Variants in FTO observed in about 807,000 individuals in gnomAD.
FTO encodes the protein alpha-ketoglutarate-dependent dioxygenase FTO.
FTO carries 47 observed loss-of-function variants against 63.9 expected under a neutral mutation model. That is an observed-to-expected ratio of 0.74 (90% CI 0.58 to 0.94). The LOEUF (loss-of-function observed/expected upper bound fraction) is 0.94. Ranked by LOEUF, FTO falls within the 40% of genes least tolerant of loss-of-function variation. The pLI is 0.00. For missense variants in FTO, 562 were observed against 618.1 expected (o/e 0.91, Z 0.96); for synonymous variants, 207 against 224.4 (o/e 0.92, Z 0.69).
chr16:53,859,557 A>G (rs897308408), intron 4 of FTO, among the ~76,000 whole-genome samples: 2 of 149,272 alleles, frequency 1.3e-5, no homozygotes, highest in Non-Finnish European at 3.0e-5. Context: ...TGATATTTAT[A>G]TATATATCAT....
rs891456886 is a variant in FTO at position 54,116,303 on chromosome 16, A to G, written c.*4388A>G. On this transcript the variant is annotated 3_prime_UTR_variant, in exon 9 of 9. Coordinates refer to ENST00000471389, the MANE Select transcript of FTO (RefSeq NM_001080432.3). ...TACATTTGGATCCATGCCACGCTAA[A>G]AACTGTTTATTTTGGAGATCTGTCA... 2.0e-5 allele frequency: 3 copies of G among 152,008 alleles called. No individual in the cohort carries two copies. The highest frequency in any genetic ancestry group is 7.3e-5 in the African/African-American group (3 of 41,378). The allele number at this position is 152,008 out of a possible 1,614,324, so 9.4% of individuals were successfully genotyped here. A position where few individuals can be genotyped will look rare whatever the true frequency, so the allele number is the denominator to read the frequency against.
chr16:53,929,975 G>C (rs1488829513), intron 7 of FTO, among the ~76,000 whole-genome samples: 1 of 152,148 alleles, frequency 6.6e-6, no homozygotes, highest in Admixed American at 6.5e-5. Flanking sequence ...GGTGGCACTT[G>C]GGGACTCTGC....
At chr16:54,013,759 G>GT (rs1311446153) in intron 8 of FTO, among the ~76,000 whole-genome samples, 15 of 152,154 alleles carry the variant, frequency 9.9e-5, no homozygotes, top group Middle Eastern at 3.4e-3. Flanking sequence ...TATGTACATC[G>GT]TTTTTTACAC....
chr16:53,904,746 C>T (rs1206278675), intron 7 of FTO, among the ~76,000 whole-genome samples: 5 of 152,138 alleles, frequency 3.3e-5, no homozygotes, highest in African/African-American at 1.2e-4. Flanking sequence ...GGAATCTGTT[C>T]AGGTCTGAGT....
At chr16:53,756,431 T>A (rs1319205354) in intron 1 of FTO, among the ~76,000 whole-genome samples, 1 of 152,224 alleles carries the variant, frequency 6.6e-6, no homozygotes, top group Non-Finnish European at 1.5e-5. Context: ...AAGTCTCTAT[T>A]CAGTGCTTTT....
At chr16:53,933,900 A>T in intron 7 of FTO, 85 bp from the exon 8 acceptor site, 3 of 1,367,856 alleles carry the variant, frequency 2.2e-6, no homozygotes, top group Non-Finnish European at 3.0e-6. Context: ...AAAGCCATTG[A>T]TTTACTGTCC....
intron 7 of FTO, among the ~76,000 whole-genome samples, chr16:53,904,693 A>G (rs2081493115): frequency 6.6e-6 from 1 of 152,176 alleles, no homozygotes; most frequent in African/African-American, 2.4e-5. Flanking sequence ...CCCTGGAAAC[A>G]TGGCACTTTG....
chr16:54,071,179 T>C (rs1334633262), intron 8 of FTO: 1 of 152,206 alleles, frequency 6.6e-6, no homozygotes, highest in Non-Finnish European at 1.5e-5. Flanking sequence ...TGTCAAGATA[T>C]CAGTGTCAAG....
chr16:54,110,913 T>TA (rs1441071094), intron 8 of FTO, among the ~76,000 whole-genome samples: 3 of 152,214 alleles, frequency 2.0e-5, no homozygotes, highest in Non-Finnish European at 4.4e-5. Flanking sequence ...ATTTTGCAGA[T>TA]AAATAAAGCT....
chr16:53,906,304 C>G (rs1419326957), intron 7 of FTO, among the ~76,000 whole-genome samples: 1 of 152,168 alleles, frequency 6.6e-6, no homozygotes, highest in African/African-American at 2.4e-5. Context: ...CCAAGTAATC[C>G]TGACATGTGT....
intron 2 of FTO, among the ~76,000 whole-genome samples, chr16:53,818,691 G>A (rs959852694): frequency 1.4e-5 from 2 of 143,784 alleles, no homozygotes; most frequent in Non-Finnish European, 3.1e-5. Flanking sequence ...CATATGTACT[G>A]TTTTTCTTTT....
intron 7 of FTO, among the ~76,000 whole-genome samples, chr16:53,931,345 TG>T (rs1167306468): frequency 6.8e-6 from 1 of 147,270 alleles, no homozygotes; most frequent in Non-Finnish European, 1.5e-5. Context: ...TCACTCTTGT[TG>T]CCCAGGTTGG....
chr16:53,743,368 A>C (rs533081452), intron 1 of FTO, among the ~76,000 whole-genome samples: 3 of 152,018 alleles, frequency 2.0e-5, no homozygotes, highest in Non-Finnish European at 2.9e-5. Flanking sequence ...GGAAGCCTAG[A>C]CAACAAGGAG....
chr16:53,917,141 C>G (rs2081890556), intron 7 of FTO, among the ~76,000 whole-genome samples: 1 of 152,222 alleles, frequency 6.6e-6, no homozygotes, highest in African/African-American at 2.4e-5. Context: ...CCATGAGAAT[C>G]TGGGCCACTC....
intron 6 of FTO, 68 bp from the exon 7 acceptor site, chr16:53,888,764 G>A (rs570249739): frequency 1.3e-5 from 21 of 1,556,526 alleles, no homozygotes; most frequent in African/African-American, 4.1e-5. Context: ...ATTAAGAGAC[G>A]AAGTCATTGT....
At chr16:53,891,795 A>G (rs1341229635) in intron 7 of FTO, among the ~76,000 whole-genome samples, 1 of 152,256 alleles carries the variant, frequency 6.6e-6, no homozygotes, top group Non-Finnish European at 1.5e-5. Flanking sequence ...GTGGTGGCAC[A>G]TGCGTTAAGA....
intron 8 of FTO, chr16:54,070,204 G>T (rs955005126): frequency 6.6e-6 from 1 of 152,010 alleles, no homozygotes; most frequent in Admixed American, 6.5e-5. Flanking sequence ...CTGCAGAATG[G>T]TCATTTTTTT....
At chr16:53,861,134 T>C (rs2080164026) in intron 4 of FTO, among the ~76,000 whole-genome samples, 1 of 152,194 alleles carries the variant, frequency 6.6e-6, no homozygotes, top group Non-Finnish European at 1.5e-5. Flanking sequence ...ACAGTGAACA[T>C]CTTTGTACAT....
At chr16:54,041,646 AGGG>A (rs1183893091) in intron 8 of FTO, among the ~76,000 whole-genome samples, 5 of 152,122 alleles carry the variant, frequency 3.3e-5, no homozygotes, top group African/African-American at 1.2e-4. Flanking sequence ...ATGAGTCCAT[AGGG>A]GGCAAAGGTG....
Sources: gnomAD v4.1 joint callset for allele counts (sites outside exome capture counted in the v4.1 genomes callset) on GRCh38, gnomAD v4.1.1 for gene constraint, MANE v1.5 for transcripts, NCBI Gene and HGNC (gene_info 2026-07-23, HGNC 2026-07-21) for gene names.